Variants in UBE3C observed in about 807,000 individuals in gnomAD.
UBE3C encodes ubiquitin protein ligase E3C.
In UBE3C, 42 loss-of-function variants were observed where a neutral mutation model predicts 129.4. The ratio of observed to expected loss-of-function variants is 0.32; its 90% CI spans 0.25 to 0.42. The LOEUF (loss-of-function observed/expected upper bound fraction) is 0.42, where lower values mean the gene tolerates loss of function less well. Among genes scored for constraint, UBE3C ranks in the 10% least tolerant of loss-of-function variants. The pLI is 1.00. For missense variants in UBE3C, 1,049 were observed against 1,319.1 expected (o/e 0.80, Z 3.17); for synonymous variants, 510 against 492.4 (o/e 1.04, Z -0.47).
At chr7:157,163,743 AT>A in intron 1 of UBE3C, 66 bp from the exon 2 acceptor site, 1 of 1,548,346 alleles carries the variant, frequency 6.5e-7, no homozygotes, top group Non-Finnish European at 8.8e-7. Flanking sequence ...ACATTCTGTA[AT>A]TTTTGTATGG....
intron 22 of UBE3C, among the ~76,000 whole-genome samples, chr7:157,262,715 C>T (rs1796953875): frequency 6.6e-6 from 1 of 152,156 alleles, no homozygotes; most frequent in Non-Finnish European, 1.5e-5. Context: ...GCCACCGCGC[C>T]CATCCTCTTC....
intron 1 of UBE3C, among the ~76,000 whole-genome samples, chr7:157,143,975 A>G (rs1252459475): frequency 6.7e-6 from 1 of 148,670 alleles, no homozygotes; most frequent in Non-Finnish European, 1.5e-5. Flanking sequence ...AGTGAATCTC[A>G]GGGAGGGAGG....
chr7:157,247,058 T>A (rs1796495924), intron 18 of UBE3C, among the ~76,000 whole-genome samples: 1 of 151,746 alleles, frequency 6.6e-6, no homozygotes, highest in Non-Finnish European at 1.5e-5. Context: ...ACGTAGCTAA[T>A]TTTTTTTTAT....
chr7:157,183,788 C>T (rs946624311), intron 8 of UBE3C, 90 bp from the exon 9 acceptor site: 3 of 1,464,266 alleles, frequency 2.0e-6, no homozygotes, highest in Non-Finnish European at 2.8e-6. Context: ...AGAAATGCCT[C>T]TCTGCGTGTG....
intron 13 of UBE3C, among the ~76,000 whole-genome samples, chr7:157,216,573 T>C (rs111756064): frequency 6.5e-4 from 99 of 152,068 alleles, no homozygotes; most frequent in African/African-American, 2.3e-3. Context: ...GTTCTTATCA[T>C]GTAGCTCCCG....
intron 1 of UBE3C, among the ~76,000 whole-genome samples, chr7:157,155,397 A>G (rs978531130): frequency 6.6e-6 from 1 of 152,230 alleles, no homozygotes; most frequent in Non-Finnish European, 1.5e-5. Context: ...GATAAGCCAA[A>G]TAGGTGAAAC....
At chr7:157,197,766 T>C (rs901636652) in intron 10 of UBE3C, 12 of 1,612,400 alleles carry the variant, frequency 7.4e-6, no homozygotes, top group Admixed American at 6.7e-5. Flanking sequence ...CAGGATCCTG[T>C]GTGTACTATT....
Position 157,248,590 on chromosome 7 carries a change from C to G in UBE3C, c.2694+10C>G. On this transcript the variant is annotated intron_variant, in intron 19 of 22. Transcript: ENST00000348165. ...CCTGGGAGAGGCGCAGGTGAGGGGT[C>G]AGGAGGAGGATTCACATACCTGTAT... The G allele has an allele frequency of 1.2e-6, 2 of 1,611,860 alleles. No homozygotes were observed. Among genetic ancestry groups the G allele is most frequent in the Non-Finnish European group, 1.7e-6 (2 of 1,179,774 alleles).
intron 10 of UBE3C, among the ~76,000 whole-genome samples, chr7:157,187,596 G>T (rs1211360885): frequency 2.0e-4 from 28 of 137,918 alleles, no homozygotes; most frequent in African/African-American, 6.0e-4. Flanking sequence ...TTTTTTTTTT[G>T]AGATGGAGTC....
At chr7:157,262,296 T>C (rs1796935959) in intron 22 of UBE3C, among the ~76,000 whole-genome samples, 1 of 151,346 alleles carries the variant, frequency 6.6e-6, no homozygotes, top group Non-Finnish European at 1.5e-5. Flanking sequence ...AAAAAGACAA[T>C]GGATTTTAGC....
intron 19 of UBE3C, among the ~76,000 whole-genome samples, chr7:157,249,014 T>C (rs541285948): frequency 2.8e-4 from 42 of 152,372 alleles, no homozygotes; most frequent in South Asian, 8.3e-4. Context: ...TTGTTACTTA[T>C]ATCCTTTTTA....
chr7:157,250,933 G>A (rs751634266), intron 19 of UBE3C, among the ~76,000 whole-genome samples: 13 of 152,114 alleles, frequency 8.5e-5, no homozygotes, highest in African/African-American at 2.7e-4. Context: ...GTGAAACGTC[G>A]CATATGCAAG....
At chr7:157,236,591 A>C (rs1796158309) in intron 18 of UBE3C, among the ~76,000 whole-genome samples, 1 of 152,180 alleles carries the variant, frequency 6.6e-6, no homozygotes, top group African/African-American at 2.4e-5. Flanking sequence ...CATCATTAGC[A>C]TCCTTTTGTA....
intron 14 of UBE3C, 127 bp downstream of exon 14, chr7:157,217,098 T>A: frequency 1.5e-6 from 1 of 683,808 alleles, no homozygotes; most frequent in South Asian, 2.0e-5. Context: ...ATAGTAATGA[T>A]AAACCTTATT....
Position 157,144,155 on chromosome 7 carries a change from G to A in UBE3C, c.66+4817G>A, listed in dbSNP as rs184730579. 4.6e-5 allele frequency among the ~76,000 whole-genome samples: 7 copies of A among 152,348 alleles called. No individual in the cohort carries two copies. The East Asian group carries it at 9.6e-4, about 21-fold the overall frequency. On this transcript the variant is annotated intron_variant, in intron 1 of 22. Transcript: ENST00000348165. ...TCACAAACAGGGCCGAACACAGGCC[G>A]GATGCTGTGGCGCACGCCTACAATC...
chr7:157,213,757 A>G (rs1809659261), intron 13 of UBE3C, among the ~76,000 whole-genome samples: 2 of 152,200 alleles, frequency 1.3e-5, no homozygotes, highest in Admixed American at 1.3e-4. Context: ...TTGGTATTTG[A>G]TATTCTAAAT....
chr7:157,266,114 A>T (rs1001835408), intron 22 of UBE3C, among the ~76,000 whole-genome samples: 2 of 152,132 alleles, frequency 1.3e-5, no homozygotes, highest in Non-Finnish European at 2.9e-5. Context: ...GGAGATCGAG[A>T]TCATCCTGGC....
At chr7:157,143,469 G>T (rs1807515202) in intron 1 of UBE3C, among the ~76,000 whole-genome samples, 1 of 152,198 alleles carries the variant, frequency 6.6e-6, no homozygotes, top group Admixed American at 6.5e-5. Context: ...TCCAGGAGCT[G>T]GGTGCACTCC....
Position 157,186,958 on chromosome 7 carries a change from C to T in UBE3C, c.1268C>T (p.Thr423Ile), listed in dbSNP as rs1275506139. The T allele has an allele frequency of 6.2e-7, 1 of 1,613,534 alleles. No individual in the cohort carries two copies. The part of the protein sequence containing the change: ...WRDSASEEVF[T>I]TMASVCHTLM... The stretch of plus-strand genomic sequence containing the variant: ...GACTCTGCGAGCGAGGAGGTCTTCA[C>T]CACCATGGCCTCCGTCTGCCACACG... Residue 423 changes from threonine (T) to isoleucine (I), a missense_variant, in exon 10 of 23, where the codon ACC (threonine) becomes ATC (isoleucine). Transcript: ENST00000348165.
Sources: allele counts gnomAD v4.1 joint callset (sites outside exome capture counted in the v4.1 genomes callset), GRCh38; gene constraint gnomAD v4.1.1; transcripts MANE v1.5; gene names NCBI Gene and HGNC (gene_info 2026-07-23, HGNC 2026-07-21).